The following C3orf20 variants were observed in gnomAD, a reference collection of about 807,000 sequenced individuals.
C3orf20 encodes family with sequence similarity 149 member C, also known as uncharacterized protein C3orf20.
Under a neutral mutation model 88.3 loss-of-function variants are expected in C3orf20, and 76 were observed. The observed-to-expected ratio is 0.86, with a 90% CI of 0.72 to 1.04. The LOEUF (loss-of-function observed/expected upper bound fraction) is 1.04. C3orf20 is among the 50% of genes least tolerant of loss of function. C3orf20 has a pLI of 0.00. For synonymous variants in C3orf20, 436 were observed against 437.4 expected (o/e 1.00, Z 0.04); for missense variants, 1,056 against 1,123.3 (o/e 0.94, Z 0.86).
chr3:14,710,735 G>A (rs1286124218), intron 7 of C3orf20, among the ~76,000 whole-genome samples: 1 of 151,998 alleles, frequency 6.6e-6, no homozygotes, highest in Admixed American at 6.6e-5. Context: ...AATTTATTAA[G>A]ACCTGTTTTG....
chr3:14,756,044 A>G (rs1046986343), intron 12 of C3orf20, among the ~76,000 whole-genome samples: 3 of 150,626 alleles, frequency 2.0e-5, no homozygotes, highest in Admixed American at 6.6e-5. Flanking sequence ...AAAAAAAAAA[A>G]AAAGAAAAAG....
At chr3:14,685,458 G>A (rs1050041211) in intron 4 of C3orf20, among the ~76,000 whole-genome samples, 1 of 63,022 alleles carries the variant, frequency 1.6e-5, no homozygotes, top group Non-Finnish European at 3.4e-5. Flanking sequence ...CTCTCTCTCT[G>A]TTTCTCTCTC....
chr3:14,718,139 C>T (rs937962303), intron 9 of C3orf20, among the ~76,000 whole-genome samples: 1 of 152,090 alleles, frequency 6.6e-6, no homozygotes, highest in Non-Finnish European at 1.5e-5. Context: ...TCCAATCTTT[C>T]CCCTTTTCTT....
chr3:14,676,692 G>A (rs2031789438), intron 1 of C3orf20, among the ~76,000 whole-genome samples: 1 of 152,158 alleles, frequency 6.6e-6, no homozygotes, highest in African/African-American at 2.4e-5. Context: ...TCAAAGAGAT[G>A]GTCAATTTTA....
Position 14,728,615 on chromosome 3 carries a change from G to A in C3orf20, c.1867G>A (p.Glu623Lys). 1 of 1,614,202 alleles carries A rather than the reference G, an allele frequency of 6.2e-7. No individual in the cohort carries two copies. The highest frequency in any genetic ancestry group is 1.3e-5 in the African/African-American group (1 of 75,052). The change falls in exon 12 of 17, where the codon GAG becomes AAG. Residue 623 changes from glutamate (E) to lysine (K), a missense_variant. By Grantham distance (56) the Glu-to-Lys change is moderately conservative. Transcript: ENST00000253697. The part of the protein sequence containing the change: ...ESSIAETLKD[E>K]PESAPVSPVR... ...CTCAATTGCAGAGACTTTGAAGGAT[G>A]AGCCTGAGTCTGCTCCTGTGAGCCC... is the stretch of plus-strand genomic sequence containing the variant.
At chr3:14,770,085 C>T (rs1309856503) in intron 15 of C3orf20, among the ~76,000 whole-genome samples, 1 of 152,126 alleles carries the variant, frequency 6.6e-6, no homozygotes, top group Non-Finnish European at 1.5e-5. Flanking sequence ...CCTGGAGGAG[C>T]CCATCAGCCT....
At chr3:14,688,950 G>T (rs871971) in intron 4 of C3orf20, among the ~76,000 whole-genome samples, 130,899 of 152,166 alleles carry the variant, frequency 0.86, 56,421 homozygotes, top group African/African-American at 0.89. Flanking sequence ...CACATTTACC[G>T]AAATGCTTAG....
chr3:14,678,837 A>C (rs367794118), intron 1 of C3orf20, among the ~76,000 whole-genome samples: 1 of 152,234 alleles, frequency 6.6e-6, no homozygotes, highest in African/African-American at 2.4e-5. Context: ...ATGGAACACA[A>C]TTAGCCATTA....
At chr3:14,762,956 C>T (rs994011387) in intron 15 of C3orf20, among the ~76,000 whole-genome samples, 5 of 152,128 alleles carry the variant, frequency 3.3e-5, no homozygotes, top group African/African-American at 9.7e-5. Context: ...CCAGGAGGAG[C>T]CTGTGGATGG....
rs1316069049 is a variant in C3orf20 at position 14,701,340 on chromosome 3, C to T, written c.746-1790C>T. Among the ~76,000 whole-genome samples, 1 of 152,154 alleles carries T rather than the reference C, an allele frequency of 6.6e-6. No homozygotes were observed. ...TCAGTTAGAGCCTGAGAAATGCCCC[C>T]ACCCAAAGCCAGGTTTCATCCTCAA... is the stretch of plus-strand genomic sequence containing the variant. On this transcript the variant is annotated intron_variant, in intron 5 of 16. Transcript: ENST00000253697. The surrounding 1 kb of genome is among the most constrained non-coding windows in gnomAD (Gnocchi z 4.6).
intron 7 of C3orf20, among the ~76,000 whole-genome samples, chr3:14,706,560 C>G (rs551980229): frequency 8.6e-6 from 1 of 116,432 alleles, no homozygotes; most frequent in South Asian, 3.3e-4. Context: ...CCCAAATGGT[C>G]TGAGAGATCA....
At chr3:14,759,143 T>C (rs2035481268) in intron 13 of C3orf20, among the ~76,000 whole-genome samples, 1 of 152,152 alleles carries the variant, frequency 6.6e-6, no homozygotes, top group Non-Finnish European at 1.5e-5. Flanking sequence ...AGGACAGACT[T>C]GGAAGCAGGT....
At chr3:14,720,006 TTTTTG>T (rs148543311) in intron 9 of C3orf20, among the ~76,000 whole-genome samples, 1,758 of 151,194 alleles carry the variant, frequency 0.012, 29 homozygotes, top group African/African-American at 0.039. Flanking sequence ...TTTTTTTGTT[TTTTTG>T]TTTTGTTTTG....
intron 10 of C3orf20, chr3:14,722,188 A>G (rs1207926322): frequency 3.5e-6 from 1 of 285,820 alleles, no homozygotes; most frequent in African/African-American, 2.2e-5. Context: ...CCTGTTGATG[A>G]CAAGATGACC....
intron 12 of C3orf20, among the ~76,000 whole-genome samples, chr3:14,756,950 T>C (rs949450499): frequency 2.6e-5 from 4 of 151,952 alleles, no homozygotes; most frequent in African/African-American, 9.7e-5. Flanking sequence ...ACAGGACCCA[T>C]TAGGAGGCAT....
At chr3:14,741,991 G>A (rs2034912776) in intron 12 of C3orf20, among the ~76,000 whole-genome samples, 5 of 152,218 alleles carry the variant, frequency 3.3e-5, no homozygotes. Context: ...GGGCATGTCT[G>A]ATGGAAAGCT....
At chr3:14,755,585 A>C (rs973005813) in intron 12 of C3orf20, among the ~76,000 whole-genome samples, 1 of 152,212 alleles carries the variant, frequency 6.6e-6, no homozygotes, top group Non-Finnish European at 1.5e-5. Flanking sequence ...ATCAGTATTA[A>C]TAGCCCCTGA....
chr3:14,757,960 C>T (rs1282896508), intron 13 of C3orf20, among the ~76,000 whole-genome samples: 8 of 152,232 alleles, frequency 5.3e-5, no homozygotes, highest in Non-Finnish European at 1.2e-4. Flanking sequence ...ACTGTCCTTT[C>T]CTTCCAGTTT....
intron 10 of C3orf20, 114 bp from the exon 11 acceptor site, chr3:14,726,787 G>A: frequency 3.5e-6 from 5 of 1,435,698 alleles, no homozygotes; most frequent in Non-Finnish European, 4.8e-6. Flanking sequence ...GTAGGGGTAG[G>A]GGGGCAGGCA....
Sources: gnomAD v4.1 joint callset for allele counts (sites outside exome capture counted in the v4.1 genomes callset) on GRCh38, gnomAD v4.1.1 for gene constraint, Gnocchi (gnomAD v3.1) non-coding constraint, MANE v1.5 for transcripts, NCBI Gene and HGNC (gene_info 2026-07-23, HGNC 2026-07-21) for gene names.